Variants in PREP observed in about 807,000 individuals in gnomAD.
PREP encodes the protein prolyl endopeptidase.
PREP carries 29 observed loss-of-function variants against 87.6 expected under a neutral mutation model. That is an observed-to-expected ratio of 0.33 (90% CI 0.25 to 0.45). PREP has a LOEUF of 0.45. Ranked by LOEUF, PREP falls within the 20% of genes least tolerant of loss-of-function variation. PREP has a pLI of 1.00. For missense variants in PREP, 695 were observed against 886.5 expected, an observed-to-expected ratio of 0.78 and a Z score of 2.74; for synonymous variants, 337 against 328.6, an observed-to-expected ratio of 1.03 and a Z score of -0.28.
intron 10 of PREP, among the ~76,000 whole-genome samples, chr6:105,313,494 C>T (rs1040619549): frequency 2.0e-5 from 3 of 152,214 alleles, no homozygotes; most frequent in African/African-American, 7.2e-5. Context: ...TTACCCCCAA[C>T]TCTTTTCTGC....
At position 105,277,344 on chromosome 6, in the gene PREP, A is replaced by C. The variant is rs1055603850; in HGVS notation, c.*800T>G. On this transcript the variant is annotated 3_prime_UTR_variant, in exon 15 of 15. Transcript: ENST00000652536. The stretch of plus-strand genomic sequence containing the variant: ...TTGGAACCAAGGATCCTTGGATCCA[A>C]GGAACTCTGATTTCTAGGAATACTT... Among the ~76,000 whole-genome samples the C allele has an allele frequency of 1.3e-5, 2 of 152,176 alleles. No homozygotes were observed. The highest frequency in any genetic ancestry group is 1.3e-4 in the Admixed American group (2 of 15,280).
intron 9 of PREP, among the ~76,000 whole-genome samples, chr6:105,326,729 C>A (rs1421492967): frequency 6.6e-6 from 1 of 152,192 alleles, no homozygotes; most frequent in Non-Finnish European, 1.5e-5. Context: ...TTTGGTCTCA[C>A]AAGATCTGAA....
chr6:105,288,655 C>A, intron 11 of PREP, 103 bp downstream of exon 11: 1 of 1,438,410 alleles, frequency 7.0e-7, no homozygotes, highest in Non-Finnish European at 9.4e-7. Context: ...CCACGCCTGG[C>A]CAGTAATGTA....
intron 10 of PREP, among the ~76,000 whole-genome samples, chr6:105,318,440 T>A (rs1319709623): frequency 6.6e-6 from 1 of 152,168 alleles, no homozygotes; most frequent in East Asian, 1.9e-4. Flanking sequence ...ACTACAGACT[T>A]CAGCCACATA....
intron 7 of PREP, among the ~76,000 whole-genome samples, chr6:105,350,179 G>A (rs1161817852): frequency 6.6e-6 from 1 of 151,616 alleles, no homozygotes. Context: ...ACTAAAGTAC[G>A]GTGATTCTAA....
intron 5 of PREP, among the ~76,000 whole-genome samples, chr6:105,371,500 CAAAAAAAAAAAAAAA>C (rs528772896): frequency 1.4e-3 from 62 of 44,804 alleles, no homozygotes; most frequent in Admixed American, 8.8e-3. Flanking sequence ...GATTCCATCT[CAAAAAAAAAAAAAAA>C]AAAAAAAAAA....
chr6:105,401,353 A>ATT (rs1773426233), intron 1 of PREP, among the ~76,000 whole-genome samples: 1 of 152,208 alleles, frequency 6.6e-6, no homozygotes, highest in African/African-American at 2.4e-5. Flanking sequence ...CTGGCTTCCC[A>ATT]TTACTAGTCT....
chr6:105,319,469 T>C (rs997960515), intron 10 of PREP, among the ~76,000 whole-genome samples: 1 of 152,198 alleles, frequency 6.6e-6, no homozygotes, highest in Non-Finnish European at 1.5e-5. Context: ...GGCTGAACAA[T>C]GATGAAACAC....
At chr6:105,381,571 T>C (rs1166948519) in intron 2 of PREP, among the ~76,000 whole-genome samples, 4 of 152,212 alleles carry the variant, frequency 2.6e-5, no homozygotes, top group African/African-American at 9.6e-5. Flanking sequence ...TTCTAGGATG[T>C]ATTAAAATAA....
intron 6 of PREP, among the ~76,000 whole-genome samples, chr6:105,363,922 C>T (rs894612460): frequency 3.3e-5 from 5 of 152,032 alleles, no homozygotes; most frequent in East Asian, 1.9e-4. Flanking sequence ...TTCCTAAAAT[C>T]GAGGGGATGT....
intron 2 of PREP, among the ~76,000 whole-genome samples, chr6:105,387,668 G>A (rs372714046): frequency 2.0e-5 from 3 of 150,944 alleles, no homozygotes; most frequent in African/African-American, 4.9e-5. Flanking sequence ...AGAAAAAGTC[G>A]CAAAAAAAAA....
chr6:105,396,682 C>T (rs1773293424), intron 2 of PREP, among the ~76,000 whole-genome samples: 2 of 151,448 alleles, frequency 1.3e-5, no homozygotes, highest in Admixed American at 6.6e-5. Flanking sequence ...CCTAGAGTGC[C>T]ATTTAACCTT....
chr6:105,300,195 A>C (rs747528416), intron 10 of PREP, among the ~76,000 whole-genome samples: 1 of 152,136 alleles, frequency 6.6e-6, no homozygotes, highest in Non-Finnish European at 1.5e-5. Context: ...CCGCGCCCAG[A>C]CTGTTTTTGT....
chr6:105,281,325 A>C (rs1770077324), intron 14 of PREP: 1 of 154,336 alleles, frequency 6.5e-6, no homozygotes, highest in African/African-American at 2.4e-5. Flanking sequence ...AATCCTTTAC[A>C]AGCTTCCAAT....
chr6:105,286,585 T>C (rs1280453594), intron 11 of PREP, among the ~76,000 whole-genome samples: 1 of 152,194 alleles, frequency 6.6e-6, no homozygotes, highest in Non-Finnish European at 1.5e-5. Flanking sequence ...TTGAGAACTA[T>C]TTCTGAGAAC....
chr6:105,383,080 C>A (rs1583099551), intron 2 of PREP, among the ~76,000 whole-genome samples: 1 of 152,120 alleles, frequency 6.6e-6, no homozygotes, highest in African/African-American at 2.4e-5. Context: ...GAGGCGCTCA[C>A]CCTGAGGCTG....
chr6:105,376,070 A>G, intron 4 of PREP, 55 bp downstream of exon 4: 1 of 1,568,204 alleles, frequency 6.4e-7, no homozygotes, highest in Non-Finnish European at 8.6e-7. Flanking sequence ...CACTAACTTC[A>G]GAGCTCCAAG....
chr6:105,323,849 A>C, intron 9 of PREP, 81 bp from the exon 10 acceptor site: 2 of 1,140,376 alleles, frequency 1.8e-6, no homozygotes, highest in African/African-American at 1.5e-5. Flanking sequence ...CCACAACCAA[A>C]TGCCAGCAAT....
At chr6:105,397,762 A>T in intron 2 of PREP, 91 bp downstream of exon 2, 3 of 1,014,508 alleles carry the variant, frequency 3.0e-6, no homozygotes, top group Non-Finnish European at 4.6e-6. Context: ...AACACAGGAG[A>T]ACACCAGAAA....
Sources: allele counts gnomAD v4.1 joint callset (sites outside exome capture counted in the v4.1 genomes callset), GRCh38; gene constraint gnomAD v4.1.1; transcripts MANE v1.5; gene names NCBI Gene and HGNC (gene_info 2026-07-23, HGNC 2026-07-21).